The following APBA2 variants were observed in gnomAD, a reference collection of about 807,000 sequenced individuals.
APBA2 encodes the protein amyloid-beta A4 precursor protein-binding family A member 2.
Under a neutral mutation model 75.0 loss-of-function variants are expected in APBA2, and 30 were observed. The observed-to-expected ratio is 0.40, with a 90% CI of 0.30 to 0.54. The LOEUF is 0.54. APBA2 is among the 20% of genes least tolerant of loss of function. The pLI is 0.49. For missense variants in APBA2, 801 were observed against 1,016.1 expected, an observed-to-expected ratio of 0.79 and a Z score of 2.88; for synonymous variants, 444 against 409.6, an observed-to-expected ratio of 1.08 and a Z score of -1.01.
chr15:28,995,899 C>A (rs1373540807), intron 3 of APBA2, 93 bp downstream of exon 3: 1 of 152,178 alleles, frequency 6.6e-6, no homozygotes, highest in Non-Finnish European at 1.5e-5. Flanking sequence ...TGCTACATTG[C>A]AGGCAGAGCT....
At chr15:29,040,623 C>G (rs910357313) in intron 3 of APBA2, among the ~76,000 whole-genome samples, 1 of 152,296 alleles carries the variant, frequency 6.6e-6, no homozygotes, top group Non-Finnish European at 1.5e-5. Flanking sequence ...CATCCCCTAA[C>G]GAAGGGGAAC....
At chr15:29,065,081 G>C (rs981003592) in intron 4 of APBA2, among the ~76,000 whole-genome samples, 1 of 152,046 alleles carries the variant, frequency 6.6e-6, no homozygotes, top group African/African-American at 2.4e-5. Context: ...CTGCCGGTGG[G>C]GTGTCTAGGG....
chr15:28,940,356 C>CAAA lies in APBA2; in HGVS notation c.-95+18636_-95+18638dup, dbSNP rs398043111. 4.9e-3 allele frequency among the ~76,000 whole-genome samples: 187 copies of CAAA among 38,454 alleles called. 2 individuals are homozygous for CAAA. Among genetic ancestry groups the CAAA allele is most frequent in the Non-Finnish European group, 8.5e-3 (147 of 17,208 alleles). 25.2% of individuals were successfully genotyped at this position (38,454 alleles called of 152,430 possible). A position where few individuals can be genotyped will look rare whatever the true frequency, so the allele number is the denominator to read the frequency against. On this transcript the variant is annotated intron_variant, in intron 2 of 14. Transcript: ENST00000683413. ...TGAAACCCCGTCTCTACTAAAAATACAAAAAAAAAAAAAAAAAAAAAAAAA... is the reference window on the plus strand; with the variant it reads ...TGAAACCCCGTCTCTACTAAAAATACAAAAAAAAAAAAAAAAAAAAAAAAAAAA...
In APBA2 at chr15:29,020,474, AT is replaced by A. The variant is rs938632012; in HGVS notation, c.-41+24678del. On this transcript the variant is annotated intron_variant, in intron 3 of 14. Coordinates refer to ENST00000683413, the MANE Select transcript of APBA2 (RefSeq NM_001353788.2). ...AGATTGCCATATAAAAGCTGTACAC[AT>A]TTTTTTTTTCCAGTGACTTTTTTAA... Among the ~76,000 whole-genome samples the A allele has an allele frequency of 2.7e-3, 396 of 149,266 alleles. 1 individual carries two copies. Among genetic ancestry groups the A allele is most frequent in the Admixed American group, 4.0e-3 (59 of 14,920 alleles).
intron 2 of APBA2, among the ~76,000 whole-genome samples, chr15:28,965,152 G>A (rs545004427): frequency 6.6e-6 from 1 of 151,938 alleles, no homozygotes; most frequent in Admixed American, 6.6e-5. Context: ...TATAAGGTAT[G>A]AAATTTATGT....
intron 3 of APBA2, among the ~76,000 whole-genome samples, chr15:29,049,178 A>C (rs1055766256): frequency 1.3e-4 from 20 of 152,184 alleles, no homozygotes; most frequent in Non-Finnish European, 1.9e-4. Context: ...ACTTTTATGA[A>C]TACTGATGCC....
intron 10 of APBA2, 187 bp downstream of exon 10, chr15:29,101,971 A>G: frequency 1.5e-6 from 1 of 663,598 alleles, no homozygotes; most frequent in South Asian, 1.7e-5. Flanking sequence ...GTTTTATTCT[A>G]CTTCTTGAAA....
chr15:29,084,347 C>T (rs895414709), intron 6 of APBA2, among the ~76,000 whole-genome samples: 1 of 152,080 alleles, frequency 6.6e-6, no homozygotes, highest in African/African-American at 2.4e-5. Flanking sequence ...CTAAAAATAA[C>T]ACCTTTTTGA....
intron 2 of APBA2, among the ~76,000 whole-genome samples, chr15:28,969,304 A>C (rs7175363): frequency 0.35 from 53,319 of 151,506 alleles, 15,702 homozygotes; most frequent in African/African-American, 0.8. Flanking sequence ...CCTCAGCCTC[A>C]CAAGTAGCTG....
intron 4 of APBA2, among the ~76,000 whole-genome samples, chr15:29,059,515 G>A (rs1003862685): frequency 6.6e-6 from 1 of 152,154 alleles, no homozygotes; most frequent in African/African-American, 2.4e-5. Context: ...GAACTTTACT[G>A]TCTTGTGATC....
At chr15:29,057,512 G>A (rs1309478228) in intron 4 of APBA2, among the ~76,000 whole-genome samples, 1 of 152,230 alleles carries the variant, frequency 6.6e-6, no homozygotes, top group Non-Finnish European at 1.5e-5. Flanking sequence ...CCTAACGGAT[G>A]AGCTATTTCA....
At chr15:29,010,873 A>G (rs1030548273) in intron 3 of APBA2, among the ~76,000 whole-genome samples, 2 of 152,268 alleles carry the variant, frequency 1.3e-5, no homozygotes, top group African/African-American at 2.4e-5. Context: ...AAAACACAGC[A>G]TAAAATTTAC....
At position 29,093,212 on chromosome 15, in the gene APBA2, C is replaced by A. The variant is rs770746873; in HGVS notation, c.1207C>A (p.Arg403=). The A allele has an allele frequency of 2.5e-5, 41 of 1,614,118 alleles. No homozygotes were observed. In the East Asian group the frequency reaches 8.7e-4, roughly 34 times the overall value. The part of the protein sequence containing the change: ...RMMQAQEAVS[R]VKRMQKAAKI... ...GATGCAAGCGCAGGAGGCCGTCAGC[C>A]GGGTCAAGGTAGAGGTGCTTCGAGG... The change falls in exon 7 of 15, where the codon CGG becomes AGG. Residue 403 remains arginine (R), a synonymous_variant. Coordinates refer to ENST00000683413, the MANE Select transcript of APBA2 (RefSeq NM_001353788.2).
chr15:28,887,778 C>T (rs2031850932), intron 1 of APBA2, among the ~76,000 whole-genome samples: 1 of 152,178 alleles, frequency 6.6e-6, no homozygotes, highest in Admixed American at 6.5e-5. Flanking sequence ...AGCCTTCCCT[C>T]GGTGGGCTCT....
In APBA2 at chr15:28,993,612, A is replaced by C. The variant is rs968657597; in HGVS notation, c.-94-2141A>C. The stretch of plus-strand genomic sequence containing the variant: ...GACATGGGCCTGCTTCCTCTTATGG[A>C]AAGGCCTTACATAAGGTGCAGTGCT... On this transcript the variant is annotated intron_variant, in intron 2 of 14. Coordinates refer to ENST00000683413, the MANE Select transcript of APBA2 (RefSeq NM_001353788.2). Among the ~76,000 whole-genome samples the C allele has an allele frequency of 2.0e-5, 3 of 152,240 alleles. No individual in the cohort carries two copies. The South Asian group carries it at 6.2e-4, about 32-fold the overall frequency.
intron 2 of APBA2, among the ~76,000 whole-genome samples, chr15:28,989,894 C>T (rs921901686): frequency 6.6e-6 from 1 of 152,178 alleles, no homozygotes; most frequent in Non-Finnish European, 1.5e-5. Context: ...GCACCAAGTT[C>T]CAGTTCTTAA....
chr15:29,084,956 G>T (rs543995219), intron 6 of APBA2, among the ~76,000 whole-genome samples: 6 of 152,070 alleles, frequency 3.9e-5, no homozygotes, highest in Non-Finnish European at 7.4e-5. Context: ...AAAAACTTTC[G>T]TACATATTTT....
intron 6 of APBA2, among the ~76,000 whole-genome samples, chr15:29,089,067 C>T (rs549773370): frequency 6.6e-6 from 1 of 152,346 alleles, no homozygotes; most frequent in African/African-American, 2.4e-5. Flanking sequence ...CCTTCCTTCC[C>T]AGGGCCATAG....
At chr15:29,067,213 A>T (rs569688028) in intron 4 of APBA2, among the ~76,000 whole-genome samples, 22 of 152,314 alleles carry the variant, frequency 1.4e-4, no homozygotes, top group Non-Finnish European at 7.4e-5. Flanking sequence ...CACTTCCAGC[A>T]TTGGGGATTG....
Sources: gnomAD v4.1 joint callset for allele counts (sites outside exome capture counted in the v4.1 genomes callset) on GRCh38, gnomAD v4.1.1 for gene constraint, MANE v1.5 for transcripts, NCBI Gene and HGNC (gene_info 2026-07-23, HGNC 2026-07-21) for gene names.